Variants in LRRK1 observed in about 807,000 individuals in gnomAD.
The protein encoded by LRRK1 is leucine-rich repeat serine/threonine-protein kinase 1.
In LRRK1, 113 loss-of-function variants were observed where a neutral mutation model predicts 209.1. The observed-to-expected ratio is 0.54, with a 90% CI of 0.46 to 0.63. The LOEUF is 0.63. LRRK1 is among the 30% of genes least tolerant of loss of function. LRRK1 has a pLI of 0.00. For missense variants in LRRK1, 2,284 were observed against 2,632.2 expected (o/e 0.87, Z 2.89); for synonymous variants, 1,144 against 1,099.7 (o/e 1.04, Z -0.80).
chr15:101,056,810 C>T, intron 27 of LRRK1, 46 bp from the exon 28 acceptor site: 1 of 1,499,848 alleles, frequency 6.7e-7, no homozygotes, highest in East Asian at 2.4e-5. Flanking sequence ...CTTGTGAAGG[C>T]CACTGGGCCC....
chr15:101,033,932 AT>A (rs915455234), intron 20 of LRRK1, among the ~76,000 whole-genome samples: 1 of 152,004 alleles, frequency 6.6e-6, no homozygotes, highest in Non-Finnish European at 1.5e-5. Context: ...AGCATCTGTT[AT>A]TTTTTGGTTT....
chr15:101,058,621 G>GGC (rs1555479980), intron 29 of LRRK1, among the ~76,000 whole-genome samples: 1 of 148,688 alleles, frequency 6.7e-6, no homozygotes, highest in African/African-American at 2.5e-5. Flanking sequence ...GGGCAACGGG[G>GGC]GGGGGCGTCT....
At position 101,022,662 on chromosome 15, in the gene LRRK1, C is replaced by T; in HGVS notation, c.2067+65C>T. On this transcript the variant is annotated intron_variant, in intron 15 of 33. Transcript: ENST00000388948. This position sits in a 1 kb window ranked among gnomAD's most constrained non-coding sequence, Gnocchi z 4.0. ...GGAACATCCCTTGGACTCCTTCTCCCTTCTCCCCAGAGAGCCCAGGATTTT... is the reference window on the plus strand; with the variant it reads ...GGAACATCCCTTGGACTCCTTCTCCTTTCTCCCCAGAGAGCCCAGGATTTT... The T allele has an allele frequency of 1.7e-6, 2 of 1,191,218 alleles. No homozygotes were observed. Among genetic ancestry groups the T allele is most frequent in the Admixed American group, 2.2e-5 (1 of 45,968 alleles). The allele number at this position is 1,191,218 out of a possible 1,614,324, so 73.8% of individuals were successfully genotyped here.
At chr15:101,061,368 A>C (rs1036097326) in intron 30 of LRRK1, 80 bp downstream of exon 30, 1 of 932,596 alleles carries the variant, frequency 1.1e-6, no homozygotes, top group African/African-American at 1.6e-5. Flanking sequence ...CACATTCATA[A>C]AAATACAGGA....
At chr15:101,047,356 C>T (rs748540155) in intron 21 of LRRK1, among the ~76,000 whole-genome samples, 5 of 152,144 alleles carry the variant, frequency 3.3e-5, no homozygotes, top group East Asian at 1.9e-4. Flanking sequence ...AAGGAGTGGG[C>T]GCAGGCGCTG....
At chr15:100,951,385 T>G (rs11636291) in intron 2 of LRRK1, among the ~76,000 whole-genome samples, 40,823 of 151,926 alleles carry the variant, frequency 0.27, 5,802 homozygotes, top group East Asian at 0.5. Context: ...GGTTTGGCAG[T>G]TTCTCAACAT....
At chr15:101,048,686 G>T (rs1245177481) in intron 22 of LRRK1, 29 bp downstream of exon 22, 1 of 1,480,490 alleles carries the variant, frequency 6.8e-7, no homozygotes, top group Admixed American at 2.8e-5. Context: ...CCACCTGCCA[G>T]GTCAGCAGGT....
chr15:101,020,493 G>GCCC (rs370920632), intron 12 of LRRK1, among the ~76,000 whole-genome samples: 18 of 148,708 alleles, frequency 1.2e-4, no homozygotes, highest in African/African-American at 4.2e-4. Flanking sequence ...TCCTGCCTCA[G>GCCC]CCCCCCCGAG....
intron 2 of LRRK1, among the ~76,000 whole-genome samples, chr15:100,941,402 G>A (rs1567190951): frequency 8.3e-6 from 1 of 120,862 alleles, no homozygotes. Context: ...GTGTGTGTCT[G>A]TGTGTGTCTC....
At chr15:101,046,772 C>T (rs921315764) in intron 21 of LRRK1, among the ~76,000 whole-genome samples, 8 of 152,232 alleles carry the variant, frequency 5.3e-5, no homozygotes, top group Non-Finnish European at 1.0e-4. Flanking sequence ...CAGAACTGTA[C>T]GTTGGTTCTG....
chr15:101,045,243 A>G (rs1426272550), intron 20 of LRRK1, among the ~76,000 whole-genome samples: 2 of 152,148 alleles, frequency 1.3e-5, no homozygotes, highest in Admixed American at 1.3e-4. Context: ...TGAAGGTAAA[A>G]CCTTTATTGG....
At chr15:101,054,166 C>A (rs779182311) in intron 26 of LRRK1, among the ~76,000 whole-genome samples, 33 of 152,246 alleles carry the variant, frequency 2.2e-4, no homozygotes, top group South Asian at 8.3e-4. Context: ...GTAGAGATGG[C>A]CTTTCACCCT....
intron 33 of LRRK1, chr15:101,067,246 G>A (rs1484562601): frequency 4.4e-6 from 2 of 456,106 alleles, no homozygotes; most frequent in African/African-American, 2.0e-5. Context: ...CCAGGATTAT[G>A]CCAGTCTCCT....
chr15:100,998,179 C>CA (rs536380783), intron 6 of LRRK1, among the ~76,000 whole-genome samples: 3,701 of 88,662 alleles, frequency 0.042, 116 homozygotes, highest in Admixed American at 0.16. Context: ...GACTCTGTCT[C>CA]AAAAAAAAAA....
intron 2 of LRRK1, among the ~76,000 whole-genome samples, chr15:100,941,385 TGTCTC>T (rs1358410625): frequency 6.6e-6 from 1 of 151,316 alleles, no homozygotes; most frequent in African/African-American, 2.4e-5. Context: ...TGTGTGTCTG[TGTCTC>T]TGTGTGTGTC....
intron 2 of LRRK1, among the ~76,000 whole-genome samples, chr15:100,953,750 A>C (rs996721466): frequency 1.3e-5 from 2 of 151,912 alleles, no homozygotes; most frequent in African/African-American, 2.4e-5. Context: ...TTTTTTGAGG[A>C]GCCTTCATAC....
Position 100,973,789 on chromosome 15 carries a change from C to G in LRRK1, c.98-15C>G, listed in dbSNP as rs546323254. On this transcript the variant is annotated splice_polypyrimidine_tract_variant and intron_variant, in intron 2 of 33. Transcript: ENST00000388948. ...TGGGCGGTGACGCCGTGTGTGTGTG[C>G]TTCCTCCCGCGCAGGTGCCGGGGAC... 51 of 1,277,488 alleles carry G rather than the reference C, an allele frequency of 4.0e-5. No homozygotes were observed. Among genetic ancestry groups the G allele is most frequent in the African/African-American group, 3.6e-4 (23 of 64,760 alleles). 79.1% of individuals were successfully genotyped at this position (1,277,488 alleles called of 1,614,324 possible). A position where few individuals can be genotyped will look rare whatever the true frequency, so the allele number is the denominator to read the frequency against.
At chr15:101,067,079 C>G (rs1173598934) in intron 33 of LRRK1, among the ~76,000 whole-genome samples, 1 of 152,192 alleles carries the variant, frequency 6.6e-6, no homozygotes, top group African/African-American at 2.4e-5. Context: ...TTCTTCCTGC[C>G]AAGCAGGAAA....
rs1417252748 is a variant in LRRK1 at position 101,021,828 on chromosome 15, G to A, written c.1740-17G>A. The stretch of plus-strand genomic sequence containing the variant: ...TGTGTGTGTGTATTCTCTCGTGGTG[G>A]ACACATCTGTCTTCAGCAACCCTGG... On this transcript the variant is annotated splice_polypyrimidine_tract_variant and intron_variant, in intron 13 of 33. Transcript: ENST00000388948. The A allele has an allele frequency of 2.6e-6, 4 of 1,514,004 alleles. No homozygotes were observed. The highest frequency in any genetic ancestry group is 1.4e-5 in the African/African-American group (1 of 72,244). 93.8% of individuals were successfully genotyped at this position (1,514,004 alleles called of 1,614,324 possible). A position where few individuals can be genotyped will look rare whatever the true frequency, so the allele number is the denominator to read the frequency against.
Sources: allele counts gnomAD v4.1 joint callset (sites outside exome capture counted in the v4.1 genomes callset), GRCh38; gene constraint gnomAD v4.1.1; non-coding constraint Gnocchi (gnomAD v3.1); transcripts MANE v1.5; gene names NCBI Gene and HGNC (gene_info 2026-07-23, HGNC 2026-07-21).